TNFSF4: variants seen among roughly 807,000 people sequenced by gnomAD.
TNFSF4 encodes TNF superfamily member 4.
Under a neutral mutation model 7.3 loss-of-function variants are expected in TNFSF4, and 4 were observed. That is an observed-to-expected ratio of 0.55 (90% CI 0.27 to 1.25). The LOEUF (loss-of-function observed/expected upper bound fraction) is 1.25. Among genes scored for constraint, TNFSF4 ranks in the 50% most tolerant of loss-of-function variants. The pLI is 0.12. For synonymous variants in TNFSF4, 76 were observed against 83.7 expected (o/e 0.91, Z 0.50); for missense variants, 181 against 208.8 (o/e 0.87, Z 0.82).
chr1:173,338,632 C>T, the TNFSF4 span, among the ~76,000 whole-genome samples: 3 of 152,090 alleles, frequency 2.0e-5, no homozygotes, highest in Admixed American at 6.6e-5. Flanking sequence ...AGCTAGGGTC[C>T]GGGATTCATG....
At chr1:173,192,757 G>A (rs1422163795) in intron 1 of TNFSF4, among the ~76,000 whole-genome samples, 1 of 152,144 alleles carries the variant, frequency 6.6e-6, no homozygotes, top group Non-Finnish European at 1.5e-5. Context: ...CTCTACTCAA[G>A]ACTACTTAGC....
chr1:173,382,907 C>T, the TNFSF4 span, among the ~76,000 whole-genome samples: 1 of 26,316 alleles, frequency 3.8e-5, no homozygotes. Flanking sequence ...CACACACACA[C>T]ACAAAGGTGC....
the TNFSF4 span, among the ~76,000 whole-genome samples, chr1:173,390,323 T>TTTCCACTGAACCTAAGGCCTTAGG: frequency 6.6e-6 from 1 of 152,212 alleles, no homozygotes; most frequent in Admixed American, 6.5e-5. Context: ...TTCAATTTCA[T>TTTCCACTGAACCTAAGGCCTTAGG]TTCCACTGAA....
At chr1:173,176,411 C>T in the TNFSF4 span, among the ~76,000 whole-genome samples, 7 of 152,088 alleles carry the variant, frequency 4.6e-5, no homozygotes, top group Admixed American at 2.0e-4. Flanking sequence ...AAATCAAAAC[C>T]GCAGTGAGAG....
chr1:173,293,719 T>C, the TNFSF4 span, among the ~76,000 whole-genome samples: 1 of 152,054 alleles, frequency 6.6e-6, no homozygotes, highest in Non-Finnish European at 1.5e-5. Context: ...AAACTATGCA[T>C]CTGACAAAGG....
the TNFSF4 span, among the ~76,000 whole-genome samples, chr1:173,334,749 A>G: frequency 6.6e-6 from 1 of 152,116 alleles, no homozygotes; most frequent in Non-Finnish European, 1.5e-5. Context: ...TGAGAGAATT[A>G]TCCTTGCCTT....
chr1:173,382,537 C>T, the TNFSF4 span, among the ~76,000 whole-genome samples: 3 of 152,136 alleles, frequency 2.0e-5, no homozygotes, highest in Non-Finnish European at 2.9e-5. Flanking sequence ...CAAACCTGCA[C>T]GTTCTGCACG....
chr1:173,236,315 G>A, the TNFSF4 span, among the ~76,000 whole-genome samples: 1 of 151,676 alleles, frequency 6.6e-6, no homozygotes, highest in Non-Finnish European at 1.5e-5. Context: ...TTCAAATCCA[G>A]CTTCTGATCC....
At chr1:173,314,654 C>A in the TNFSF4 span, among the ~76,000 whole-genome samples, 2 of 152,072 alleles carry the variant, frequency 1.3e-5, no homozygotes, top group Non-Finnish European at 2.9e-5. Flanking sequence ...ACCTGGAAGG[C>A]AAAAGACAGA....
chr1:173,188,372 T>C (rs1649320048), intron 2 of TNFSF4, 149 bp downstream of exon 2: 3 of 645,474 alleles, frequency 4.6e-6, no homozygotes, highest in Non-Finnish European at 8.2e-6. Flanking sequence ...ATGAAAATAA[T>C]ATGCAGGCTA....
the TNFSF4 span, among the ~76,000 whole-genome samples, chr1:173,313,141 G>A: frequency 1.3e-5 from 2 of 152,168 alleles, no homozygotes; most frequent in Admixed American, 1.3e-4. Context: ...CAGGATTCGG[G>A]GAGGAGGAGA....
At chr1:173,315,503 C>T in the TNFSF4 span, among the ~76,000 whole-genome samples, 4 of 152,066 alleles carry the variant, frequency 2.6e-5, no homozygotes, top group African/African-American at 9.7e-5. Flanking sequence ...TAAAAGACTA[C>T]TGAAGATTTA....
chr1:173,419,150 T>C, the TNFSF4 span, among the ~76,000 whole-genome samples: 8 of 152,022 alleles, frequency 5.3e-5, no homozygotes, highest in South Asian at 2.1e-4. Context: ...CCATCCTGGC[T>C]AACACGGTGA....
At chr1:173,444,385 G>A in the TNFSF4 span, among the ~76,000 whole-genome samples, 1 of 151,448 alleles carries the variant, frequency 6.6e-6, no homozygotes, top group East Asian at 1.9e-4. Context: ...TACATTTTCT[G>A]TTTTTTTCGT....
the TNFSF4 span, among the ~76,000 whole-genome samples, chr1:173,301,298 C>A: frequency 6.6e-6 from 1 of 151,718 alleles, no homozygotes; most frequent in Admixed American, 6.6e-5. Context: ...TCTTTAAGTG[C>A]TTGAGATTTA....
At chr1:173,206,530 C>T (rs929831888) in intron 1 of TNFSF4, among the ~76,000 whole-genome samples, 4 of 152,128 alleles carry the variant, frequency 2.6e-5, no homozygotes, top group Non-Finnish European at 5.9e-5. Context: ...CACACATGCA[C>T]GCACACATTG....
the TNFSF4 span, among the ~76,000 whole-genome samples, chr1:173,340,190 T>C: frequency 6.6e-6 from 1 of 152,142 alleles, no homozygotes; most frequent in Non-Finnish European, 1.5e-5. Context: ...TTTTCCCAGG[T>C]CTCGAGCCTA....
At chr1:173,228,506 T>C in the TNFSF4 span, among the ~76,000 whole-genome samples, 1 of 152,262 alleles carries the variant, frequency 6.6e-6, no homozygotes, top group South Asian at 2.1e-4. Flanking sequence ...CTGAAAATTC[T>C]AAAAATCAGA....
At chr1:173,434,332 T>C in the TNFSF4 span, among the ~76,000 whole-genome samples, 1 of 152,332 alleles carries the variant, frequency 6.6e-6, no homozygotes, top group East Asian at 1.9e-4. Flanking sequence ...CTATTGAACC[T>C]CATACAATTT....
Sources: allele counts gnomAD v4.1 joint callset (sites outside exome capture counted in the v4.1 genomes callset), GRCh38; gene constraint gnomAD v4.1.1; transcripts MANE v1.5; gene names NCBI Gene and HGNC (gene_info 2026-07-23, HGNC 2026-07-21).